The following MBD5 variants were observed in gnomAD, a reference collection of about 807,000 sequenced individuals.
The protein encoded by MBD5 is methyl-CpG-binding domain protein 5.
In MBD5, 13 loss-of-function variants were observed where a neutral mutation model predicts 117.3. That is an observed-to-expected ratio of 0.11 (90% CI 0.07 to 0.18). MBD5 has a LOEUF of 0.18. MBD5 is among the 10% of genes least tolerant of loss of function. MBD5 has a pLI of 1.00. For synonymous variants in MBD5, 727 were observed against 766.4 expected (o/e 0.95, Z 0.85); for missense variants, 1,879 against 2,093.8 (o/e 0.90, Z 2.00).
chr2:148,476,144 A>G (rs1457943869), intron 8 of MBD5, among the ~76,000 whole-genome samples: 1 of 152,146 alleles, frequency 6.6e-6, no homozygotes, highest in East Asian at 1.9e-4. Context: ...TTCATCACAG[A>G]TATACTAGAG....
At chr2:148,504,264 T>C (rs1003241039) in intron 12 of MBD5, among the ~76,000 whole-genome samples, 1 of 152,172 alleles carries the variant, frequency 6.6e-6, no homozygotes, top group African/African-American at 2.4e-5. Flanking sequence ...AGAACTTTAT[T>C]TACCATACTA....
chr2:148,188,049 G>C (rs1426793899), intron 2 of MBD5, among the ~76,000 whole-genome samples: 3 of 152,180 alleles, frequency 2.0e-5, no homozygotes, highest in African/African-American at 7.2e-5. Context: ...CCTAATCCCA[G>C]AATCCAGAAT....
chr2:148,421,422 T>G (rs1193188997), intron 4 of MBD5, among the ~76,000 whole-genome samples: 1 of 152,190 alleles, frequency 6.6e-6, no homozygotes, highest in Non-Finnish European at 1.5e-5. Flanking sequence ...CCATGGTCTT[T>G]GCAACCCGCA....
At chr2:148,329,117 G>A (rs550696444) in intron 3 of MBD5, among the ~76,000 whole-genome samples, 1 of 152,244 alleles carries the variant, frequency 6.6e-6, no homozygotes, top group African/African-American at 2.4e-5. Flanking sequence ...CTGATTATCT[G>A]ACCCTTTACC....
At chr2:148,345,450 TACAC>T (rs768232895) in intron 4 of MBD5, among the ~76,000 whole-genome samples, 7 of 75,914 alleles carry the variant, frequency 9.2e-5, no homozygotes, top group East Asian at 3.4e-4. Context: ...TATATACACA[TACAC>T]ATATACATAT....
At chr2:148,364,682 G>T (rs1027940717) in intron 4 of MBD5, among the ~76,000 whole-genome samples, 1 of 152,038 alleles carries the variant, frequency 6.6e-6, no homozygotes, top group Admixed American at 6.5e-5. Context: ...AAAAAGCAGG[G>T]GTTGCAATCC....
chr2:148,310,851 A>G (rs750089038), intron 3 of MBD5, among the ~76,000 whole-genome samples: 3 of 151,868 alleles, frequency 2.0e-5, no homozygotes, highest in Non-Finnish European at 2.9e-5. Flanking sequence ...TTGTGTTTTT[A>G]TTTTCACTGG....
At chr2:148,366,920 T>G (rs894273913) in intron 4 of MBD5, among the ~76,000 whole-genome samples, 1 of 151,894 alleles carries the variant, frequency 6.6e-6, no homozygotes, top group Non-Finnish European at 1.5e-5. Flanking sequence ...ATTTATAGAT[T>G]CAATGTTATC....
chr2:148,223,393 G>T (rs1188908042), intron 2 of MBD5, among the ~76,000 whole-genome samples: 1 of 151,916 alleles, frequency 6.6e-6, no homozygotes. Context: ...CAGTTTCTGG[G>T]CTTTTCTTTC....
chr2:148,072,426 G>T (rs903938184), intron 1 of MBD5, among the ~76,000 whole-genome samples: 5 of 152,058 alleles, frequency 3.3e-5, no homozygotes, highest in African/African-American at 1.2e-4. Context: ...CATCATCATG[G>T]TTTGCTTTGT....
intron 3 of MBD5, among the ~76,000 whole-genome samples, chr2:148,271,551 A>G (rs1700987634): frequency 6.6e-6 from 1 of 152,118 alleles, no homozygotes; most frequent in South Asian, 2.1e-4. Context: ...ACATATCCTC[A>G]TTGTGGAGCT....
intron 12 of MBD5, among the ~76,000 whole-genome samples, chr2:148,509,361 C>T (rs375375565): frequency 3.3e-5 from 5 of 151,896 alleles, no homozygotes; most frequent in African/African-American, 9.7e-5. Context: ...GCAGATGCAC[C>T]GTGTGTGTTA....
intron 10 of MBD5, 38 bp downstream of exon 10, chr2:148,485,988 T>A: frequency 6.3e-7 from 1 of 1,588,928 alleles, no homozygotes; most frequent in Non-Finnish European, 8.6e-7. Flanking sequence ...AAGAAAACAA[T>A]GTCTGAGTTT....
intron 3 of MBD5, among the ~76,000 whole-genome samples, chr2:148,293,143 G>C (rs1443222626): frequency 8.9e-6 from 1 of 112,450 alleles, no homozygotes; most frequent in Non-Finnish European, 1.8e-5. Context: ...GTGAAACCTT[G>C]CCTCAAAAAA....
At chr2:148,056,968 G>T (rs6742489) in intron 1 of MBD5, among the ~76,000 whole-genome samples, 1 of 151,574 alleles carries the variant, frequency 6.6e-6, no homozygotes, top group Non-Finnish European at 1.5e-5. Context: ...ATTTTTCTAC[G>T]AATTCATCTA....
rs548493554 is a variant in MBD5, at chr2:148,080,627, T to A, written c.-925+58943T>A. ...TATTTCCATTCTTAAAGTTTTTAGATGGCCTGGGGGAAAGATGAATACACA... is the reference window on the plus strand; with the variant it reads ...TATTTCCATTCTTAAAGTTTTTAGAAGGCCTGGGGGAAAGATGAATACACA... On this transcript the variant is annotated intron_variant, in intron 1 of 13. Coordinates refer to ENST00000642680, the MANE Select transcript of MBD5 (RefSeq NM_001378120.1). 4.6e-5 allele frequency among the ~76,000 whole-genome samples: 7 copies of A among 152,294 alleles called. No homozygotes were observed. The South Asian group carries it at 1.5e-3, about 32-fold the overall frequency.
intron 4 of MBD5, among the ~76,000 whole-genome samples, chr2:148,393,873 G>A (rs2105012519): frequency 6.6e-6 from 1 of 152,332 alleles, no homozygotes; most frequent in East Asian, 1.9e-4. Flanking sequence ...ACAGTGGAAT[G>A]GGAGGGGAAG....
chr2:148,296,864 ATTTTTTTTTT>A (rs757371602), intron 3 of MBD5, among the ~76,000 whole-genome samples: 1 of 61,310 alleles, frequency 1.6e-5, no homozygotes. Context: ...TAGTTCTTCA[ATTTTTTTTTT>A]TTTTTTTTTT....
intron 13 of MBD5, among the ~76,000 whole-genome samples, chr2:148,512,056 G>A (rs942164125): frequency 6.6e-6 from 1 of 152,196 alleles, no homozygotes; most frequent in African/African-American, 2.4e-5. Flanking sequence ...TCGAAATGCT[G>A]ATTAAGCATT....
Sources: allele counts gnomAD v4.1 joint callset (sites outside exome capture counted in the v4.1 genomes callset), GRCh38; gene constraint gnomAD v4.1.1; transcripts MANE v1.5; gene names NCBI Gene and HGNC (gene_info 2026-07-23, HGNC 2026-07-21).